FRRS1L: variants seen among roughly 807,000 people sequenced by gnomAD.
The protein encoded by FRRS1L is ferric chelate reductase 1 like.
In FRRS1L, 22 loss-of-function variants were observed where a neutral mutation model predicts 28.6. The observed-to-expected ratio is 0.77, with a 90% CI of 0.55 to 1.10. FRRS1L has a LOEUF of 1.10. Ranked by LOEUF, FRRS1L falls within the 50% of genes least tolerant of loss-of-function variation. FRRS1L has a pLI of 0.00. For synonymous variants in FRRS1L, 158 were observed against 151.4 expected, an observed-to-expected ratio of 1.04 and a Z score of -0.32; for missense variants, 380 against 386.9, an observed-to-expected ratio of 0.98 and a Z score of 0.15.
chr9:109,147,073 C>T lies in FRRS1L; in HGVS notation c.440G>A (p.Gly147Glu), dbSNP rs751204225. The T allele has an allele frequency of 1.9e-6, 3 of 1,614,018 alleles. No homozygotes were observed. The highest frequency in any genetic ancestry group is 2.5e-6 in the Non-Finnish European group (3 of 1,179,880). Residue 147 changes from glycine to glutamate, a missense_variant, in exon 3 of 5, where the codon GGA (glycine) becomes GAA (glutamate). Gly to Glu is a moderately conservative substitution (Grantham distance 98, BLOSUM62 -2). Transcript: ENST00000561981. ...TACCATTTTCTTGTCTGAAGAGAATCCAACTGCTACCCAACCATCTGTGTC... is the reference window on the plus strand; with the variant it reads ...TACCATTTTCTTGTCTGAAGAGAATTCAACTGCTACCCAACCATCTGTGTC... ...SADTDGWVAV[G>E]FSSDKKMGGD... is the part of the protein sequence containing the mutation.
At chr9:109,158,352 C>T (rs751861581) in intron 1 of FRRS1L, among the ~76,000 whole-genome samples, 2 of 151,976 alleles carry the variant, frequency 1.3e-5, no homozygotes, top group East Asian at 1.9e-4. Context: ...ATTCACATAC[C>T]GTAAAATTCA....
chr9:109,132,834 G>A lies in FRRS1L; in HGVS notation c.*4621C>T, dbSNP rs1275177382. ...TTAAGTTTTATTGGAACATAGCCAT[G>A]CTCATTCATTTATGTATTGTTTATA... On this transcript the variant is annotated 3_prime_UTR_variant, in exon 5 of 5. Coordinates refer to ENST00000561981, the MANE Select transcript of FRRS1L (RefSeq NM_014334.4). 6.6e-6 allele frequency: 1 copy of A among 152,178 alleles called. No individual in the cohort carries two copies. Among genetic ancestry groups the A allele is most frequent in the African/African-American group, 2.4e-5 (1 of 41,436 alleles). 9.4% of individuals were successfully genotyped at this position (152,178 alleles called of 1,614,324 possible).
At chr9:109,158,987 C>T (rs1831445999) in intron 1 of FRRS1L, among the ~76,000 whole-genome samples, 1 of 152,092 alleles carries the variant, frequency 6.6e-6, no homozygotes, top group Non-Finnish European at 1.5e-5. Context: ...TGTTATTTTC[C>T]TTTTAAAAAA....
At chr9:109,165,527 C>T (rs911938474) in intron 1 of FRRS1L, among the ~76,000 whole-genome samples, 29 of 152,224 alleles carry the variant, frequency 1.9e-4, no homozygotes, top group African/African-American at 6.8e-4. Flanking sequence ...AATAAACTAG[C>T]TTATTTAAAC....
Position 109,130,952 on chromosome 9 carries a change from T to C in FRRS1L, c.*6503A>G, listed in dbSNP as rs1831050529. The C allele has an allele frequency of 6.6e-6, 1 of 152,224 alleles. No individual in the cohort carries two copies. The highest frequency in any genetic ancestry group is 6.5e-5 in the Admixed American group (1 of 15,282). 9.4% of individuals were successfully genotyped at this position (152,224 alleles called of 1,614,324 possible). ...AATATCCAGGGGAAAACTGAACACA[T>C]TAATCAAGCAGCAGTGTGTTTTATG... On this transcript the variant is annotated 3_prime_UTR_variant, in exon 5 of 5. Coordinates refer to ENST00000561981, the MANE Select transcript of FRRS1L (RefSeq NM_014334.4).
At chr9:109,156,482 G>T (rs1224870460) in intron 1 of FRRS1L, among the ~76,000 whole-genome samples, 2 of 151,854 alleles carry the variant, frequency 1.3e-5, no homozygotes, top group Non-Finnish European at 2.9e-5. Context: ...TCCACCTCCC[G>T]GGTTCAAGCG....
chr9:109,142,193 A>G (rs1279588317), intron 3 of FRRS1L, among the ~76,000 whole-genome samples: 1 of 152,220 alleles, frequency 6.6e-6, no homozygotes, highest in Non-Finnish European at 1.5e-5. Flanking sequence ...TGATTTTAGG[A>G]GATAACCTAC....
In FRRS1L at chr9:109,167,242, G is replaced by A; in HGVS notation, c.-104C>T. ...GCCGAGGCCACCAGCACGCGCCCGC[G>A]CAGCCGCGGAGCCTCCCGCACCCCC... On this transcript the variant is annotated 5_prime_UTR_variant, in exon 1 of 5. Transcript: ENST00000561981. The A allele has an allele frequency of 2.9e-6, 4 of 1,387,556 alleles. No homozygotes were observed. The highest frequency in any genetic ancestry group is 2.7e-4 in the Middle Eastern group (1 of 3,716). 86.0% of individuals were successfully genotyped at this position (1,387,556 alleles called of 1,614,324 possible).
intron 3 of FRRS1L, among the ~76,000 whole-genome samples, chr9:109,142,889 A>G (rs1831205944): frequency 6.6e-6 from 1 of 152,204 alleles, no homozygotes; most frequent in Admixed American, 6.5e-5. Context: ...CCACAATAAA[A>G]AAGTTATTAT....
At chr9:109,140,840 G>A (rs753550627) in intron 4 of FRRS1L, 6 of 155,292 alleles carry the variant, frequency 3.9e-5, no homozygotes, top group South Asian at 2.0e-4. Context: ...TCTGGCCCCC[G>A]TTCAGTCTTT....
chr9:109,166,695 T>C (rs1304787929), intron 1 of FRRS1L, among the ~76,000 whole-genome samples: 3 of 151,876 alleles, frequency 2.0e-5, no homozygotes, highest in Non-Finnish European at 4.4e-5. Context: ...CGGCAGGCAT[T>C]GACAGCTCTT....
chr9:109,164,832 G>A, intron 1 of FRRS1L, among the ~76,000 whole-genome samples: 1 of 152,252 alleles, frequency 6.6e-6, no homozygotes, highest in East Asian at 1.9e-4. Flanking sequence ...TGCCTGCTAT[G>A]TGATCACCTC....
rs1831068253 is a variant in FRRS1L, at chr9:109,132,372, C to T, written c.*5083G>A. 6.6e-6 allele frequency: 1 copy of T among 152,232 alleles called. No individual in the cohort carries two copies. The highest frequency in any genetic ancestry group is 1.5e-5 in the Non-Finnish European group (1 of 68,040). 9.4% of individuals were successfully genotyped at this position (152,232 alleles called of 1,614,324 possible). A position where few individuals can be genotyped will look rare whatever the true frequency, so the allele number is the denominator to read the frequency against. On this transcript the variant is annotated 3_prime_UTR_variant, in exon 5 of 5. Transcript: ENST00000561981. ...GTTCAGCGCAATGGTTGTCCATGAT[C>T]ACCACAGTTACTTAAGACAAAACTG...
At position 109,130,859 on chromosome 9, in the gene FRRS1L, C is replaced by T. The variant is rs1343824793; in HGVS notation, c.*6596G>A. ...GGTGAATGCTACACCCACTGCAGCA[C>T]CCCATTACCTTAGAGAATCAATTAC... On this transcript the variant is annotated 3_prime_UTR_variant, in exon 5 of 5. Transcript: ENST00000561981. 1 of 152,164 alleles carries T rather than the reference C, an allele frequency of 6.6e-6. No individual in the cohort carries two copies. The highest frequency in any genetic ancestry group is 1.5e-5 in the Non-Finnish European group (1 of 68,036). The allele number at this position is 152,164 out of a possible 1,614,324, so 9.4% of individuals were successfully genotyped here.
Position 109,131,972 on chromosome 9 carries a change from T to A in FRRS1L, c.*5483A>T, listed in dbSNP as rs1274592888. On this transcript the variant is annotated 3_prime_UTR_variant, in exon 5 of 5. Transcript: ENST00000561981. ...ATACAACTTTTATTTTATTTTATTTTATTTTATTTATTTATTTTTTAGACG... is the reference window on the plus strand; with the variant it reads ...ATACAACTTTTATTTTATTTTATTTAATTTTATTTATTTATTTTTTAGACG... 1.5e-5 allele frequency: 2 copies of A among 130,368 alleles called. No individual in the cohort carries two copies. The highest frequency in any genetic ancestry group is 1.5e-4 in the Admixed American group (2 of 13,536). 8.1% of individuals were successfully genotyped at this position (130,368 alleles called of 1,614,324 possible). A position where few individuals can be genotyped will look rare whatever the true frequency, so the allele number is the denominator to read the frequency against.
At chr9:109,141,221 T>A (rs958643878) in intron 4 of FRRS1L, 122 bp downstream of exon 4, 2 of 1,098,026 alleles carry the variant, frequency 1.8e-6, no homozygotes, top group Non-Finnish European at 2.7e-6. Flanking sequence ...CGCATCTCCT[T>A]TTCCTTTAAA....
intron 1 of FRRS1L, among the ~76,000 whole-genome samples, chr9:109,163,434 T>C (rs1389108712): frequency 6.6e-6 from 1 of 152,124 alleles, no homozygotes; most frequent in Non-Finnish European, 1.5e-5. Context: ...TAAGCATGAG[T>C]AGTATAGGCT....
chr9:109,150,010 C>G lies in FRRS1L; in HGVS notation c.239-290G>C, dbSNP rs11790362. ...ACAATTTCATATAACCACGGGCTTA[C>G]CGCTGTCCCCTGGGAGTTTGAGAAT... On this transcript the variant is annotated intron_variant, in intron 1 of 4. Transcript: ENST00000561981. The G allele has an allele frequency of 0.096, 25,519 of 265,132 alleles. 1,770 individuals carry two copies. The highest frequency in any genetic ancestry group is 0.15 in the Middle Eastern group (119 of 788). 16.4% of individuals were successfully genotyped at this position (265,132 alleles called of 1,614,324 possible).
chr9:109,134,690 T>C lies in FRRS1L; in HGVS notation c.*2765A>G, dbSNP rs1388704076. 3 of 152,214 alleles carry C rather than the reference T, an allele frequency of 2.0e-5. No homozygotes were observed. The highest frequency in any genetic ancestry group is 4.4e-5 in the Non-Finnish European group (3 of 68,034). 9.4% of individuals were successfully genotyped at this position (152,214 alleles called of 1,614,324 possible). ...AATGAGAAATCACTAGTGAAATAAT[T>C]AGCTTGATTAGAAATGTAAGCGGAA... On this transcript the variant is annotated 3_prime_UTR_variant, in exon 5 of 5. Coordinates refer to ENST00000561981, the MANE Select transcript of FRRS1L (RefSeq NM_014334.4).
Sources: allele counts gnomAD v4.1 joint callset (sites outside exome capture counted in the v4.1 genomes callset), GRCh38; gene constraint gnomAD v4.1.1; transcripts MANE v1.5; gene names NCBI Gene and HGNC (gene_info 2026-07-23, HGNC 2026-07-21).